GRM7: variants seen among roughly 807,000 people sequenced by gnomAD.
GRM7 encodes the protein metabotropic glutamate receptor 7.
A neutral mutation model predicts 84.5 loss-of-function variants in GRM7; 35 were observed. The observed-to-expected ratio is 0.41, with a 90% CI of 0.32 to 0.55. The LOEUF (loss-of-function observed/expected upper bound fraction) is 0.55. Ranked by LOEUF, GRM7 falls within the 20% of genes least tolerant of loss-of-function variation. The probability of loss-of-function intolerance (pLI) is 0.19; values close to 1 mark genes in which losing one functional copy is unlikely to be tolerated. For missense variants in GRM7, 1,003 were observed against 1,194.6 expected (o/e 0.84, Z 2.36); for synonymous variants, 487 against 455.1 (o/e 1.07, Z -0.89).
In GRM7 at chr3:7,189,256, GCACA is replaced by G. The variant is rs1352727711; in HGVS notation, c.736+42596_736+42599del. 2.0e-5 allele frequency among the ~76,000 whole-genome samples: 3 copies of G among 151,850 alleles called. No homozygotes were observed. In the East Asian group the frequency reaches 5.8e-4, roughly 29 times the overall value. On this transcript the variant is annotated intron_variant, in intron 2 of 9. Coordinates refer to ENST00000357716, the MANE Select transcript of GRM7 (RefSeq NM_000844.4). ...ATACACACATATACACATATATCAC[GCACA>G]CACACACGCACGTGAGAAAGCAATA... is the stretch of plus-strand genomic sequence containing the variant.
chr3:7,490,903 T>G (rs1053184337), intron 7 of GRM7, among the ~76,000 whole-genome samples: 2 of 152,018 alleles, frequency 1.3e-5, no homozygotes, highest in African/African-American at 4.8e-5. Flanking sequence ...CCTTGGAGTT[T>G]AAGGTAAATA....
At position 7,693,561 on chromosome 3, in the gene GRM7, ATTTCATTTGCATTTAATTTCCTGTGGTTT is replaced by A; in HGVS notation, c.2698+13267_2698+13295del. ...TCCCTCATTTTTGTCATGTTTGCAAATTTCATTTGCATTTAATTTCCTGTGGTTTGCCAAAGTCCAGACTGAGACTTGAG... is the reference window on the plus strand; with the variant it reads ...TCCCTCATTTTTGTCATGTTTGCAAAGCCAAAGTCCAGACTGAGACTTGAG... On this transcript the variant is annotated intron_variant, in intron 9 of 9. Coordinates refer to ENST00000357716, the MANE Select transcript of GRM7 (RefSeq NM_000844.4). 4.3e-6 allele frequency: 4 copies of A among 933,556 alleles called. No homozygotes were observed. In the South Asian group the frequency reaches 5.6e-5, roughly 13 times the overall value. The allele number at this position is 933,556 out of a possible 1,614,324, so 57.8% of individuals were successfully genotyped here.
chr3:7,377,968 G>T (rs1047655830), intron 4 of GRM7, among the ~76,000 whole-genome samples: 2 of 152,136 alleles, frequency 1.3e-5, no homozygotes, highest in Non-Finnish European at 2.9e-5. Flanking sequence ...TGGAACTTCT[G>T]TGCCTTTCAT....
At chr3:7,532,302 T>C (rs1475968139) in intron 7 of GRM7, among the ~76,000 whole-genome samples, 2 of 152,168 alleles carry the variant, frequency 1.3e-5, no homozygotes, top group Non-Finnish European at 2.9e-5. Flanking sequence ...TTTCAGAACT[T>C]GTTATTGGTC....
chr3:7,423,690 GT>G (rs1484063303), intron 5 of GRM7, among the ~76,000 whole-genome samples: 4 of 143,570 alleles, frequency 2.8e-5, no homozygotes, highest in East Asian at 4.2e-4. Flanking sequence ...AGCATTTTAG[GT>G]TTTTATGGGA....
chr3:7,301,169 T>C (rs73809058), intron 3 of GRM7, among the ~76,000 whole-genome samples: 7,240 of 152,034 alleles, frequency 0.048, 562 homozygotes, highest in African/African-American at 0.16. Flanking sequence ...CGATGTTTTT[T>C]TCTCTCGTTA....
chr3:7,058,939 G>A (rs1031671628), intron 1 of GRM7, among the ~76,000 whole-genome samples: 3 of 151,898 alleles, frequency 2.0e-5, no homozygotes, highest in South Asian at 4.1e-4. Flanking sequence ...AACAGGCTAT[G>A]ACCTAATGCT....
intron 1 of GRM7, among the ~76,000 whole-genome samples, chr3:7,120,933 A>G (rs763652761): frequency 2.2e-4 from 33 of 152,192 alleles, no homozygotes; most frequent in Middle Eastern, 3.2e-3. Flanking sequence ...ACATGTCCCC[A>G]CTAGCATCCT....
intron 7 of GRM7, among the ~76,000 whole-genome samples, chr3:7,482,583 G>A (rs759396036): frequency 5.9e-5 from 9 of 152,166 alleles, no homozygotes; most frequent in Non-Finnish European, 1.0e-4. Flanking sequence ...AAAAGCAAGT[G>A]GTATGAGAGG....
At chr3:7,255,247 A>T (rs2124946841) in intron 2 of GRM7, among the ~76,000 whole-genome samples, 1 of 152,312 alleles carries the variant, frequency 6.6e-6, no homozygotes, top group South Asian at 2.1e-4. Flanking sequence ...CCTTTTACAA[A>T]TTGGAAAGGC....
intron 4 of GRM7, among the ~76,000 whole-genome samples, chr3:7,373,636 C>T (rs1694228063): frequency 6.6e-6 from 1 of 152,118 alleles, no homozygotes; most frequent in Non-Finnish European, 1.5e-5. Context: ...CTGGAATAGC[C>T]ACTGAGGCAT....
At chr3:7,210,527 G>GT (rs1329344281) in intron 2 of GRM7, among the ~76,000 whole-genome samples, 1 of 152,166 alleles carries the variant, frequency 6.6e-6, no homozygotes, top group Non-Finnish European at 1.5e-5. Context: ...AGAATCAAGT[G>GT]AAGAAAAGAA....
intron 4 of GRM7, among the ~76,000 whole-genome samples, chr3:7,399,644 C>A (rs894408749): frequency 1.3e-5 from 2 of 152,084 alleles, no homozygotes; most frequent in African/African-American, 4.8e-5. Flanking sequence ...AGGGGCGGAT[C>A]CCTCATGAGT....
intron 1 of GRM7, among the ~76,000 whole-genome samples, chr3:7,113,272 T>C (rs1014790191): frequency 6.6e-6 from 1 of 152,216 alleles, no homozygotes; most frequent in Non-Finnish European, 1.5e-5. Context: ...ATTTTATTTT[T>C]ATTAATACTT....
intron 1 of GRM7, among the ~76,000 whole-genome samples, chr3:7,041,738 A>C (rs1424819998): frequency 6.6e-6 from 1 of 152,150 alleles, no homozygotes; most frequent in African/African-American, 2.4e-5. Context: ...GAATCTCCAG[A>C]GTGATTTTTT....
chr3:7,504,905 C>A (rs1223955373), intron 7 of GRM7, among the ~76,000 whole-genome samples: 2 of 152,136 alleles, frequency 1.3e-5, no homozygotes. Flanking sequence ...AGTATCAACT[C>A]AAAGTCCAAA....
At chr3:7,656,976 G>A (rs899024437) in intron 8 of GRM7, among the ~76,000 whole-genome samples, 2 of 152,092 alleles carry the variant, frequency 1.3e-5, no homozygotes, top group African/African-American at 4.8e-5. Context: ...TTTGAGTGAA[G>A]TACAAACATA....
At chr3:7,735,543 A>C (rs1359317559) in intron 9 of GRM7, among the ~76,000 whole-genome samples, 6 of 152,200 alleles carry the variant, frequency 3.9e-5, no homozygotes, top group African/African-American at 1.4e-4. Context: ...TAATGCTCAG[A>C]ATATAGCCCA....
chr3:7,008,618 G>T (rs1695259687), intron 1 of GRM7, among the ~76,000 whole-genome samples: 1 of 152,140 alleles, frequency 6.6e-6, no homozygotes, highest in Non-Finnish European at 1.5e-5. Flanking sequence ...AAAGAAAGAA[G>T]AAAACAACTT....
Sources: gnomAD v4.1 joint callset for allele counts (sites outside exome capture counted in the v4.1 genomes callset) on GRCh38, gnomAD v4.1.1 for gene constraint, MANE v1.5 for transcripts, NCBI Gene and HGNC (gene_info 2026-07-23, HGNC 2026-07-21) for gene names.